Variants in CELF4 observed in about 807,000 individuals in gnomAD.
CELF4 encodes the protein CUGBP Elav-like family member 4, also known as CUG-BP- and ETR-3-like factor 4.
A neutral mutation model predicts 59.9 loss-of-function variants in CELF4; 18 were observed. The observed-to-expected ratio is 0.30, with a 90% CI of 0.21 to 0.45. The LOEUF (loss-of-function observed/expected upper bound fraction) is 0.45, where lower values mean the gene tolerates loss of function less well. Ranked by LOEUF, CELF4 falls within the 20% of genes least tolerant of loss-of-function variation. The probability of loss-of-function intolerance (pLI) is 1.00; values close to 1 mark genes in which losing one functional copy is unlikely to be tolerated. For synonymous variants in CELF4, 261 were observed against 267.1 expected, an observed-to-expected ratio of 0.98 and a Z score of 0.22; for missense variants, 456 against 689.0, an observed-to-expected ratio of 0.66 and a Z score of 3.79.
chr18:37,425,275 C>T (rs1258847415), intron 2 of CELF4, among the ~76,000 whole-genome samples: 1 of 152,216 alleles, frequency 6.6e-6, no homozygotes, highest in Non-Finnish European at 1.5e-5. Flanking sequence ...GGATTGTAGT[C>T]CTGCAGGTTG....
chr18:37,479,416 G>T (rs894682305), intron 2 of CELF4, among the ~76,000 whole-genome samples: 3 of 152,194 alleles, frequency 2.0e-5, no homozygotes, highest in African/African-American at 7.2e-5. Flanking sequence ...TTTGCTGTGG[G>T]ACTGTCCTGT....
At chr18:37,360,842 G>T (rs773543951) in intron 2 of CELF4, among the ~76,000 whole-genome samples, 6 of 152,224 alleles carry the variant, frequency 3.9e-5, no homozygotes, top group Admixed American at 3.9e-4. Flanking sequence ...GTTCTAATGC[G>T]TGGAGCTATG....
chr18:37,450,869 T>A (rs2099761634), intron 2 of CELF4, among the ~76,000 whole-genome samples: 1 of 152,160 alleles, frequency 6.6e-6, no homozygotes, highest in Non-Finnish European at 1.5e-5. Flanking sequence ...TCACTAGCCT[T>A]GGCCTGGTTT....
intron 3 of CELF4, among the ~76,000 whole-genome samples, chr18:37,311,262 A>G (rs563380342): frequency 8.5e-5 from 13 of 152,192 alleles, no homozygotes; most frequent in Admixed American, 3.3e-4. Context: ...TTTCGCACCT[A>G]TGGCAGGAGT....
intron 2 of CELF4, among the ~76,000 whole-genome samples, chr18:37,356,444 G>A (rs553145513): frequency 1.3e-5 from 2 of 152,294 alleles, no homozygotes; most frequent in South Asian, 4.2e-4. Context: ...GTGCTGGAAA[G>A]GCCAGAGGTG....
chr18:37,539,085 G>A (rs1451798790), intron 1 of CELF4, among the ~76,000 whole-genome samples: 5 of 152,216 alleles, frequency 3.3e-5, no homozygotes, highest in East Asian at 1.9e-4. Flanking sequence ...CGCCCTCCCC[G>A]ACATGACAGA....
intron 2 of CELF4, among the ~76,000 whole-genome samples, chr18:37,340,310 T>C (rs2097954148): frequency 6.6e-6 from 1 of 152,248 alleles, no homozygotes; most frequent in Non-Finnish European, 1.5e-5. Context: ...CCAGCTGGGC[T>C]GGGCTCAGCC....
At chr18:37,493,492 C>A (rs1288738808) in intron 1 of CELF4, among the ~76,000 whole-genome samples, 3 of 152,338 alleles carry the variant, frequency 2.0e-5, no homozygotes, top group African/African-American at 7.2e-5. Context: ...GAGCTCCATT[C>A]TGCCTCTGGC....
At chr18:37,517,223 G>C (rs1327503945) in intron 1 of CELF4, among the ~76,000 whole-genome samples, 1 of 152,216 alleles carries the variant, frequency 6.6e-6, no homozygotes, top group East Asian at 1.9e-4. Flanking sequence ...AGAATGTCCA[G>C]AGCTAAGTCT....
chr18:37,480,583 C>T (rs920123458), intron 2 of CELF4, among the ~76,000 whole-genome samples: 2 of 152,152 alleles, frequency 1.3e-5, no homozygotes, highest in African/African-American at 4.8e-5. Flanking sequence ...TACAGTTGTA[C>T]ATAAAATTAG....
intron 1 of CELF4, among the ~76,000 whole-genome samples, chr18:37,560,048 T>C (rs2099986079): frequency 6.6e-6 from 1 of 152,228 alleles, no homozygotes; most frequent in Admixed American, 6.5e-5. Context: ...TCCAGCCAAT[T>C]GGAGCAGGTG....
chr18:37,357,575 C>T (rs1399346825), intron 2 of CELF4, among the ~76,000 whole-genome samples: 3 of 152,176 alleles, frequency 2.0e-5, no homozygotes, highest in Non-Finnish European at 4.4e-5. Flanking sequence ...CCTACTGGGG[C>T]ACTGCCTAGT....
intron 2 of CELF4, among the ~76,000 whole-genome samples, chr18:37,380,583 T>TATCC (rs879440175): frequency 6.6e-6 from 1 of 151,914 alleles, no homozygotes; most frequent in Non-Finnish European, 1.5e-5. Context: ...TTTATCCATC[T>TATCC]ATCCATCCAT....
chr18:37,286,457 C>A (rs973098992), intron 3 of CELF4, among the ~76,000 whole-genome samples: 3 of 152,158 alleles, frequency 2.0e-5, no homozygotes, highest in African/African-American at 7.2e-5. Context: ...CACAGTCGCA[C>A]AGAGAGGGTG....
rs545483777 is a variant in CELF4, at chr18:37,296,558, C to G, written c.449-21315G>C. Among the ~76,000 whole-genome samples, 4 of 152,218 alleles carry G rather than the reference C, an allele frequency of 2.6e-5. No homozygotes were observed. The South Asian group carries it at 8.3e-4, about 32-fold the overall frequency. ...TTGCCCAAACCAGGACCCTCAGGAC[C>G]CTCATTGGTTTGAAAGGGAACACTA... On this transcript the variant is annotated intron_variant, in intron 3 of 12. Coordinates refer to ENST00000420428, the MANE Select transcript of CELF4 (RefSeq NM_020180.4).
At position 37,421,233 on chromosome 18, in the gene CELF4, A is replaced by T. The variant is rs573259277; in HGVS notation, c.369+64292T>A. ...GAGATGGAAACTAAGGTTCAGAGAG[A>T]TTGAACACGAAGCATGTTATGAGTA... is the stretch of plus-strand genomic sequence containing the variant. On this transcript the variant is annotated intron_variant, in intron 2 of 12. Coordinates refer to ENST00000420428, the MANE Select transcript of CELF4 (RefSeq NM_020180.4). Among the ~76,000 whole-genome samples the T allele has an allele frequency of 3.9e-5, 6 of 152,314 alleles. No homozygotes were observed. The South Asian group carries it at 1.2e-3, about 32-fold the overall frequency.
At chr18:37,407,927 G>T (rs2099401039) in intron 2 of CELF4, among the ~76,000 whole-genome samples, 1 of 97,770 alleles carries the variant, frequency 1.0e-5, no homozygotes. Flanking sequence ...AATCAAATCT[G>T]CTCTGTACCA....
At chr18:37,449,397 A>G (rs1242389285) in intron 2 of CELF4, among the ~76,000 whole-genome samples, 1 of 152,116 alleles carries the variant, frequency 6.6e-6, no homozygotes, top group Non-Finnish European at 1.5e-5. Flanking sequence ...TGGGAGCTTG[A>G]TCTCAACTCT....
intron 2 of CELF4, among the ~76,000 whole-genome samples, chr18:37,322,097 G>A (rs2097144823): frequency 6.6e-6 from 1 of 152,258 alleles, no homozygotes; most frequent in South Asian, 2.1e-4. Context: ...TCAGGGGGGT[G>A]TCTCTGGACA....
Sources: gnomAD v4.1 joint callset for allele counts (sites outside exome capture counted in the v4.1 genomes callset) on GRCh38, gnomAD v4.1.1 for gene constraint, MANE v1.5 for transcripts, NCBI Gene and HGNC (gene_info 2026-07-23, HGNC 2026-07-21) for gene names.